The following MTMR9 variants were observed in gnomAD, a reference collection of about 807,000 sequenced individuals.
MTMR9 encodes the protein myotubularin related protein 9, also known as myotubularin-related protein 9.
Under a neutral mutation model 69.5 loss-of-function variants are expected in MTMR9, and 39 were observed. The observed-to-expected ratio is 0.56, with a 90% CI of 0.43 to 0.73. The LOEUF is 0.73. MTMR9 is among the 30% of genes least tolerant of loss of function. MTMR9 has a pLI of 0.00. For synonymous variants in MTMR9, 354 were observed against 240.8 expected, an observed-to-expected ratio of 1.47 and a Z score of -4.35; for missense variants, 900 against 671.2, an observed-to-expected ratio of 1.34 and a Z score of -3.77.
chr8:11,332,028 T>A, downstream of MTMR9: 1 of 1,611,908 alleles, frequency 6.2e-7, no homozygotes. Context: ...TGTGGCACTT[T>A]CTGACATCAT....
rs531911195 is a variant in MTMR9 at position 11,324,755 on chromosome 8, G to GCTGA, written c.*1968_*1971dup. The GCTGA allele has an allele frequency of 8.5e-5, 13 of 152,450 alleles. No homozygotes were observed. The East Asian group carries it at 2.5e-3, about 29-fold the overall frequency. 9.4% of individuals were successfully genotyped at this position (152,450 alleles called of 1,614,324 possible). A position where few individuals can be genotyped will look rare whatever the true frequency, so the allele number is the denominator to read the frequency against. Reference sequence around the variant, plus strand: ...GCCTATAGTCCCAGCCACTAGGAAAGCTGAGGCAGAAGGATCCCTTGAGCC... The same window carrying GCTGA: ...GCCTATAGTCCCAGCCACTAGGAAAGCTGACTGAGGCAGAAGGATCCCTTGAGCC... On this transcript the variant is annotated 3_prime_UTR_variant, in exon 10 of 10. Transcript: ENST00000221086.
At chr8:11,315,939 A>C (rs927948558) in intron 7 of MTMR9, 1 of 152,222 alleles carries the variant, frequency 6.6e-6, no homozygotes, top group Non-Finnish European at 1.5e-5. Flanking sequence ...TGTCACATAC[A>C]GTAGTAGAAG....
At chr8:11,331,658 C>T (rs1801235334), downstream of MTMR9, 1 of 1,612,140 alleles carries the variant, frequency 6.2e-7, no homozygotes, top group Non-Finnish European at 8.5e-7. Context: ...AGGAGGGGAC[C>T]ACAGGTGTCT....
chr8:11,336,842 A>T, the MTMR9 span, among the ~76,000 whole-genome samples: 2 of 152,178 alleles, frequency 1.3e-5, no homozygotes. Flanking sequence ...GACTTGCTCA[A>T]GCACCATCCA....
chr8:11,308,249 T>C (rs1004947714), intron 5 of MTMR9, among the ~76,000 whole-genome samples: 9 of 152,358 alleles, frequency 5.9e-5, no homozygotes, highest in Middle Eastern at 3.4e-3. Flanking sequence ...GAGTTTCTTC[T>C]GCATGTGCAT....
rs1219083253 is a variant in MTMR9 at position 11,300,332 on chromosome 8, T to G, written c.417+184T>G. The G allele has an allele frequency of 1.0e-5, 5 of 491,018 alleles. No homozygotes were observed. In the South Asian group the frequency reaches 1.0e-4, roughly 10 times the overall value. The allele number at this position is 491,018 out of a possible 1,614,324, so 30.4% of individuals were successfully genotyped here. A position where few individuals can be genotyped will look rare whatever the true frequency, so the allele number is the denominator to read the frequency against. ...ATCTCTGATCACAAAGGAATTAGAT[T>G]AATAATCAGTAATACTAAGATATCT... On this transcript the variant is annotated intron_variant, in intron 3 of 9. Transcript: ENST00000221086.
intron 2 of MTMR9, among the ~76,000 whole-genome samples, chr8:11,299,398 C>G (rs549352910): frequency 1.3e-5 from 2 of 152,196 alleles, no homozygotes; most frequent in African/African-American, 4.8e-5. Flanking sequence ...CACACATTAT[C>G]TCTCTTAATG....
chr8:11,330,345 G>GAA (rs1264488560), downstream of MTMR9, among the ~76,000 whole-genome samples: 1 of 151,750 alleles, frequency 6.6e-6, no homozygotes, highest in Non-Finnish European at 1.5e-5. Flanking sequence ...GAGGTGGGGG[G>GAA]CGCCTCTGCC....
chr8:11,307,658 C>T (rs1481570270), intron 5 of MTMR9, among the ~76,000 whole-genome samples: 3 of 152,166 alleles, frequency 2.0e-5, no homozygotes, highest in Non-Finnish European at 2.9e-5. Flanking sequence ...ATTTACATTC[C>T]CACCAGCATT....
chr8:11,330,129 G>A (rs1418309510), downstream of MTMR9, among the ~76,000 whole-genome samples: 2 of 151,484 alleles, frequency 1.3e-5, no homozygotes, highest in Non-Finnish European at 2.9e-5. Flanking sequence ...CGCCCGGCCA[G>A]CAGCCCCGTC....
At chr8:11,286,077 C>G (rs763374577) in intron 1 of MTMR9, among the ~76,000 whole-genome samples, 12 of 151,208 alleles carry the variant, frequency 7.9e-5, no homozygotes, top group South Asian at 2.1e-4. Flanking sequence ...CTCAGCCTCC[C>G]GAGTAGCTGG....
chr8:11,301,637 G>A (rs1230469980), intron 3 of MTMR9, among the ~76,000 whole-genome samples: 2 of 152,160 alleles, frequency 1.3e-5, no homozygotes, highest in South Asian at 2.1e-4. Context: ...CTGAAAGCAG[G>A]TTAGTGATTT....
chr8:11,309,624 A>G lies in MTMR9; in HGVS notation c.907A>G (p.Asn303Asp), dbSNP rs764417303. 5.6e-6 allele frequency: 9 copies of G among 1,614,004 alleles called. No individual in the cohort carries two copies. The highest frequency in any genetic ancestry group is 7.6e-6 in the Non-Finnish European group (9 of 1,179,896). Residue 303 changes from asparagine (N) to aspartate (D), a missense_variant, in exon 6 of 10, where the codon AAC becomes GAC. Transcript: ENST00000221086. ...DRWLSKLEAS[N>D]WLTHIKEILT... ...ATGGCTCAGTAAATTGGAGGCCTCT[A>G]ACTGGCTGACTCACATCAAAGAGAT... is the stretch of plus-strand genomic sequence containing the variant.
chr8:11,303,559 A>G (rs373308476), intron 3 of MTMR9, among the ~76,000 whole-genome samples: 1 of 152,064 alleles, frequency 6.6e-6, no homozygotes, highest in Non-Finnish European at 1.5e-5. Flanking sequence ...TTTTGAAACA[A>G]TCTCACTCCA....
At chr8:11,300,763 CAA>C (rs917201241) in intron 3 of MTMR9, 1 of 152,044 alleles carries the variant, frequency 6.6e-6, no homozygotes, top group Non-Finnish European at 1.5e-5. Context: ...ATAAATTTAA[CAA>C]AAGAAATTCA....
chr8:11,333,777 G>A, the MTMR9 span, among the ~76,000 whole-genome samples: 1 of 152,222 alleles, frequency 6.6e-6, no homozygotes, highest in African/African-American at 2.4e-5. Context: ...TGAAAGGATG[G>A]TAGACAGTAA....
chr8:11,286,788 A>G (rs530917813), intron 1 of MTMR9, among the ~76,000 whole-genome samples: 6 of 150,576 alleles, frequency 4.0e-5, no homozygotes, highest in African/African-American at 1.2e-4. Context: ...ATTTCTTGCC[A>G]TTTCTTTTAA....
intron 5 of MTMR9, among the ~76,000 whole-genome samples, chr8:11,308,262 C>A (rs1212508820): frequency 2.0e-5 from 3 of 152,026 alleles, no homozygotes; most frequent in African/African-American, 7.2e-5. Context: ...ATGTGCATAC[C>A]CAGTTTTTCC....
downstream of MTMR9, among the ~76,000 whole-genome samples, chr8:11,329,833 G>T (rs867392527): frequency 6.6e-6 from 1 of 150,772 alleles, no homozygotes; most frequent in Non-Finnish European, 1.5e-5. Context: ...AGTGAGGAGC[G>T]CCTCTTCCTG....
Sources: gnomAD v4.1 joint callset for allele counts (sites outside exome capture counted in the v4.1 genomes callset) on GRCh38, gnomAD v4.1.1 for gene constraint, MANE v1.5 for transcripts, NCBI Gene and HGNC (gene_info 2026-07-23, HGNC 2026-07-21) for gene names.